Variants in ABLIM2 observed in about 807,000 individuals in gnomAD.
ABLIM2 encodes the protein actin-binding LIM protein 2.
ABLIM2 carries 53 observed loss-of-function variants against 97.7 expected under a neutral mutation model. The ratio of observed to expected loss-of-function variants is 0.54; its 90% CI spans 0.44 to 0.68. The LOEUF (loss-of-function observed/expected upper bound fraction) is 0.68. Among genes scored for constraint, ABLIM2 ranks in the 30% least tolerant of loss-of-function variants. The pLI, the probability that ABLIM2 is intolerant of heterozygous loss-of-function variation, is 0.00. For missense variants in ABLIM2, 835 were observed against 867.2 expected (o/e 0.96, Z 0.47); for synonymous variants, 361 against 345.8 (o/e 1.04, Z -0.49).
chr4:8,037,224 G>A (rs1307833707), intron 9 of ABLIM2, among the ~76,000 whole-genome samples: 1 of 152,002 alleles, frequency 6.6e-6, no homozygotes, highest in Non-Finnish European at 1.5e-5. Context: ...ATCTGCAGAT[G>A]TGGAATGCAT....
intron 1 of ABLIM2, among the ~76,000 whole-genome samples, chr4:8,119,569 G>A (rs1273623609): frequency 1.3e-5 from 2 of 151,988 alleles, no homozygotes; most frequent in Non-Finnish European, 1.5e-5. Context: ...CTCATGATCC[G>A]CCCACCTGGG....
Position 7,973,858 on chromosome 4 carries a change from T to C in ABLIM2, c.1825-6755A>G, listed in dbSNP as rs563746029. Among the ~76,000 whole-genome samples, 9 of 152,148 alleles carry C rather than the reference T, an allele frequency of 5.9e-5. No individual in the cohort carries two copies. The South Asian group carries it at 1.9e-3, about 32-fold the overall frequency. On this transcript the variant is annotated intron_variant, in intron 20 of 20. Transcript: ENST00000447017. ...GCCGTGGCTGGGCTGTGGGGCCCAG[T>C]TGTTTGGTCATGCATTAGTCTAGAT...
chr4:8,154,913 AGG>A (rs2152964771), intron 1 of ABLIM2, among the ~76,000 whole-genome samples: 1 of 152,370 alleles, frequency 6.6e-6, no homozygotes, highest in East Asian at 1.9e-4. Flanking sequence ...GGAGGGGCAA[AGG>A]GACGTCTCAC....
intron 1 of ABLIM2, among the ~76,000 whole-genome samples, chr4:8,146,537 AT>A (rs1273388646): frequency 6.6e-6 from 1 of 152,040 alleles, no homozygotes; most frequent in East Asian, 1.9e-4. Flanking sequence ...TTCAATTTTC[AT>A]TTATTTATAT....
In ABLIM2 at chr4:8,146,403, T is replaced by G. The variant is rs930088706; in HGVS notation, c.10+12277A>C. ...CAGACGTCAGAATCCAGCCGTCACCTACAAAGTCAGATATTAATGAGATTT... is the reference window on the plus strand; with the variant it reads ...CAGACGTCAGAATCCAGCCGTCACCGACAAAGTCAGATATTAATGAGATTT... On this transcript the variant is annotated intron_variant, in intron 1 of 20. Coordinates refer to ENST00000447017, the MANE Select transcript of ABLIM2 (RefSeq NM_001130083.2). Among the ~76,000 whole-genome samples the G allele has an allele frequency of 3.3e-5, 5 of 152,230 alleles. No homozygotes were observed. In the East Asian group the frequency reaches 9.6e-4, roughly 29 times the overall value.
Position 8,068,518 on chromosome 4 carries a change from A to G in ABLIM2, c.676-7464T>C, listed in dbSNP as rs985290231. Among the ~76,000 whole-genome samples, 1 of 152,212 alleles carries G rather than the reference A, an allele frequency of 6.6e-6. No homozygotes were observed. Among genetic ancestry groups the G allele is most frequent in the Non-Finnish European group, 1.5e-5 (1 of 68,026 alleles). ...CCAGAAACCCCTCCTGTCCCAGCAG[A>G]GGAGAGCTAGTGGTCCCCCGTCTTT... On this transcript the variant is annotated intron_variant, in intron 6 of 20. Transcript: ENST00000447017. The surrounding 1 kb of genome is among the most constrained non-coding windows in gnomAD (Gnocchi z 4.5).
intron 20 of ABLIM2, among the ~76,000 whole-genome samples, chr4:7,976,654 T>C (rs1577682195): frequency 6.6e-6 from 1 of 152,140 alleles, no homozygotes; most frequent in Middle Eastern, 3.4e-3. Context: ...CCATCCCTCA[T>C]CTTACACAAC....
rs1238125658 is a variant in ABLIM2 at position 8,075,066 on chromosome 4, G to A, written c.675+2562C>T. On this transcript the variant is annotated intron_variant, in intron 6 of 20. Coordinates refer to ENST00000447017, the MANE Select transcript of ABLIM2 (RefSeq NM_001130083.2). The surrounding 1 kb of genome is among the most constrained non-coding windows in gnomAD (Gnocchi z 4.4). The stretch of plus-strand genomic sequence containing the variant: ...CCCAAAGTGCTGGGATTACAGGCAT[G>A]AGCCACCGCTCCCGGCCCAGCCTGA... 2.0e-5 allele frequency among the ~76,000 whole-genome samples: 3 copies of A among 152,204 alleles called. No homozygotes were observed.
At chr4:7,968,162 G>A (rs1724514241) in intron 20 of ABLIM2, among the ~76,000 whole-genome samples, 1 of 152,256 alleles carries the variant, frequency 6.6e-6, no homozygotes, top group African/African-American at 2.4e-5. Flanking sequence ...GGAGGAACTG[G>A]AAAGAGGCTG....
At chr4:8,106,851 A>C (rs560147622) in intron 1 of ABLIM2, among the ~76,000 whole-genome samples, 1 of 152,244 alleles carries the variant, frequency 6.6e-6, no homozygotes, top group South Asian at 2.1e-4. Context: ...CCAGAGGGAG[A>C]AGGTCATCTG....
rs1375769603 is a variant in ABLIM2 at position 8,125,369 on chromosome 4, A to G, written c.11-18732T>C. On this transcript the variant is annotated intron_variant, in intron 1 of 20. Transcript: ENST00000447017. This position sits in a 1 kb window ranked among gnomAD's most constrained non-coding sequence, Gnocchi z 6.2. ...TTGGTTTTACTGTAATTTTACATGAATAATTTTACACAAATAGAATTGCAT... is the reference window on the plus strand; with the variant it reads ...TTGGTTTTACTGTAATTTTACATGAGTAATTTTACACAAATAGAATTGCAT... Among the ~76,000 whole-genome samples, 2 of 152,248 alleles carry G rather than the reference A, an allele frequency of 1.3e-5. No homozygotes were observed. Among genetic ancestry groups the G allele is most frequent in the Non-Finnish European group, 2.9e-5 (2 of 68,042 alleles).
At chr4:8,077,795 C>T in intron 5 of ABLIM2, 74 bp from the exon 6 acceptor site, 1 of 1,309,304 alleles carries the variant, frequency 7.6e-7, no homozygotes, top group Non-Finnish European at 1.1e-6. Context: ...CCCTCACCAA[C>T]AAGAGAGTCT....
chr4:7,987,561 G>C (rs948340116), intron 17 of ABLIM2, among the ~76,000 whole-genome samples: 1 of 152,236 alleles, frequency 6.6e-6, no homozygotes, highest in Admixed American at 6.5e-5. Flanking sequence ...TGATGTGAAA[G>C]AGAAATGCTG....
At chr4:8,091,299 AT>A (rs1265190665) in intron 3 of ABLIM2, among the ~76,000 whole-genome samples, 22 of 50,068 alleles carry the variant, frequency 4.4e-4, no homozygotes, top group African/African-American at 1.9e-3. Context: ...AATATTATAT[AT>A]TATATTATAT....
chr4:7,992,572 G>A lies in ABLIM2; in HGVS notation c.1680+294C>T, dbSNP rs550506650. 6.0e-4 allele frequency among the ~76,000 whole-genome samples: 91 copies of A among 152,206 alleles called. No homozygotes were observed. Among genetic ancestry groups the A allele is most frequent in the African/African-American group, 2.0e-3 (83 of 41,538 alleles). ...GTTAGGAGGGGCATCTTGGAGCTGC[G>A]CCTGATCACTCTGGGTGGCCCTTGT... On this transcript the variant is annotated intron_variant, in intron 17 of 20. Coordinates refer to ENST00000447017, the MANE Select transcript of ABLIM2 (RefSeq NM_001130083.2). The surrounding 1 kb of genome is among the most constrained non-coding windows in gnomAD (Gnocchi z 5.7).
rs867972778 is a variant in ABLIM2, at chr4:8,091,340, A to T, written c.339-3056T>A. 2.2e-4 allele frequency among the ~76,000 whole-genome samples: 6 copies of T among 27,554 alleles called. 1 individual carries two copies. Among genetic ancestry groups the T allele is most frequent in the South Asian group, 6.5e-4 (1 of 1,548 alleles). The allele number at this position is 27,554 out of a possible 152,430, so 18.1% of individuals were successfully genotyped here. A position where few individuals can be genotyped will look rare whatever the true frequency, so the allele number is the denominator to read the frequency against. The stretch of plus-strand genomic sequence containing the variant: ...ATAATTATATATATATTATATATAT[A>T]ATATATATATAATTATATATATATT... On this transcript the variant is annotated intron_variant, in intron 3 of 20. Transcript: ENST00000447017.
At chr4:8,049,206 A>G (rs1052587164) in intron 8 of ABLIM2, among the ~76,000 whole-genome samples, 1 of 152,166 alleles carries the variant, frequency 6.6e-6, no homozygotes, top group African/African-American at 2.4e-5. Flanking sequence ...ATTCACCTCT[A>G]TGTTCACAGT....
chr4:7,987,615 G>A (rs995449121), intron 17 of ABLIM2, among the ~76,000 whole-genome samples: 5 of 152,114 alleles, frequency 3.3e-5, no homozygotes, highest in Non-Finnish European at 2.9e-5. Context: ...TCCAAAACTC[G>A]CAGGGCACCA....
intron 2 of ABLIM2, among the ~76,000 whole-genome samples, chr4:8,103,208 T>G (rs1351251342): frequency 1.3e-5 from 2 of 152,126 alleles, no homozygotes; most frequent in African/African-American, 4.8e-5. Context: ...ATGACAAATA[T>G]CCATGTTGGA....
Sources: gnomAD v4.1 joint callset for allele counts (sites outside exome capture counted in the v4.1 genomes callset) on GRCh38, gnomAD v4.1.1 for gene constraint, Gnocchi (gnomAD v3.1) non-coding constraint, MANE v1.5 for transcripts, NCBI Gene and HGNC (gene_info 2026-07-23, HGNC 2026-07-21) for gene names.